Variants in LUZP1 observed in about 807,000 individuals in gnomAD.
The protein encoded by LUZP1 is leucine zipper protein 1, also known as filamin mechanobinding actin cross-linking protein.
Under a neutral mutation model 71.3 loss-of-function variants are expected in LUZP1, and 25 were observed. The observed-to-expected ratio is 0.35, with a 90% CI of 0.26 to 0.49. The LOEUF is 0.49. Among genes scored for constraint, LUZP1 ranks in the 20% least tolerant of loss-of-function variants. The pLI, the probability that LUZP1 is intolerant of heterozygous loss-of-function variation, is 0.99. For missense variants in LUZP1, 1,142 were observed against 1,300.8 expected (o/e 0.88, Z 1.88); for synonymous variants, 481 against 506.4 (o/e 0.95, Z 0.67).
Position 23,090,660 on chromosome 1 carries a change from C to T in LUZP1, c.3072+530G>A, listed in dbSNP as rs1303481413. 7.1e-5 allele frequency: 42 copies of T among 595,404 alleles called. No homozygotes were observed. In the South Asian group the frequency reaches 7.4e-4, roughly 10 times the overall value. 36.9% of individuals were successfully genotyped at this position (595,404 alleles called of 1,614,324 possible). A position where few individuals can be genotyped will look rare whatever the true frequency, so the allele number is the denominator to read the frequency against. ...AAAGTGTCACTTGGAATTGGGTATACGCTTATCTAAAATAGGCCCAGTGTA... is the reference window on the plus strand; with the variant it reads ...AAAGTGTCACTTGGAATTGGGTATATGCTTATCTAAAATAGGCCCAGTGTA... On this transcript the variant is annotated intron_variant, in intron 4 of 4. Coordinates refer to ENST00000302291, the Ensembl canonical transcript of LUZP1.
At chr1:23,155,825 G>A (rs1247625376) in intron 2 of LUZP1, among the ~76,000 whole-genome samples, 1 of 151,924 alleles carries the variant, frequency 6.6e-6, no homozygotes, top group Non-Finnish European at 1.5e-5. Context: ...ACACTTAAAT[G>A]AGCTGCTCAT....
At chr1:23,123,612 G>A (rs1350108995) in intron 2 of LUZP1, among the ~76,000 whole-genome samples, 3 of 151,990 alleles carry the variant, frequency 2.0e-5, no homozygotes, top group Non-Finnish European at 4.4e-5. Flanking sequence ...AGACTTTCTG[G>A]TCATACAGAG....
chr1:23,141,219 A>T (rs1644300256), intron 2 of LUZP1: 1 of 152,282 alleles, frequency 6.6e-6, no homozygotes, highest in Admixed American at 6.5e-5. Context: ...GGGGGAAAGG[A>T]GGAAGGCTAG....
intron 2 of LUZP1, among the ~76,000 whole-genome samples, chr1:23,120,900 C>A (rs1260775993): frequency 6.6e-6 from 1 of 152,208 alleles, no homozygotes; most frequent in Non-Finnish European, 1.5e-5. Context: ...ACACCACCAT[C>A]TCCACTCCCC....
intron 1 of LUZP1, among the ~76,000 whole-genome samples, chr1:23,176,062 C>CTTTT (rs57669214): frequency 3.1e-5 from 4 of 129,842 alleles, no homozygotes; most frequent in Non-Finnish European, 6.4e-5. Flanking sequence ...ACTTCCTTGA[C>CTTTT]TTTTTTTTTT....
chr1:23,088,813 T>C, exon 5 of LUZP1: 1 of 1,521,284 alleles, frequency 6.6e-7, no homozygotes, highest in Non-Finnish European at 8.9e-7. Context: ...CCTGGTTAAC[T>C]GGCCTTGGAT....
intron 3 of LUZP1, among the ~76,000 whole-genome samples, chr1:23,097,149 G>A (rs1004841407): frequency 2.0e-5 from 3 of 152,068 alleles, no homozygotes; most frequent in Non-Finnish European, 4.4e-5. Flanking sequence ...TGCTCCCTCA[G>A]GCCCTTTTTT....
At chr1:23,090,093 C>G (rs896303097) in intron 4 of LUZP1, among the ~76,000 whole-genome samples, 3 of 151,422 alleles carry the variant, frequency 2.0e-5, no homozygotes, top group South Asian at 2.1e-4. Context: ...CTTGGTTCTC[C>G]CAAGCAAATG....
rs1643877474 is a variant in LUZP1 at position 23,093,742 on chromosome 1, T to C, written c.520A>G (p.Lys174Glu). The C allele has an allele frequency of 6.2e-7, 1 of 1,613,750 alleles. No homozygotes were observed. The highest frequency in any genetic ancestry group is 8.5e-7 in the Non-Finnish European group (1 of 1,180,040). The change falls in exon 4 of 5, where the codon AAA becomes GAA. Residue 174 changes from lysine to glutamate, a missense_variant. Lys to Glu is a moderately conservative substitution (Grantham distance 56). Transcript: ENST00000302291. The surrounding 1 kb of genome is among the most constrained non-coding windows in gnomAD (Gnocchi z 4.2). ...TCTGACGCTAAACTCTGCTCAGTTT[T>C]ATCCAGGCGGTCCTCAGAAGATTCT... is the stretch of plus-strand genomic sequence containing the variant.
At chr1:23,088,697 G>A in exon 5 of LUZP1, 1 of 607,730 alleles carries the variant, frequency 1.6e-6, no homozygotes, top group Non-Finnish European at 2.8e-6. Flanking sequence ...TTGGGCCTGG[G>A]TGACTGTCCA....
chr1:23,111,176 G>A (rs1471679127), intron 2 of LUZP1, among the ~76,000 whole-genome samples: 1 of 144,950 alleles, frequency 6.9e-6, no homozygotes, highest in East Asian at 2.0e-4. Context: ...CTCCAGCCTG[G>A]GCGACACAGT....
At chr1:23,149,079 TAAAAAAA>T (rs58910170) in intron 2 of LUZP1, among the ~76,000 whole-genome samples, 1,421 of 37,340 alleles carry the variant, frequency 0.038, 11 homozygotes, top group Admixed American at 0.061. Flanking sequence ...ACACCTTGCC[TAAAAAAA>T]AAAAAAAAAA....
At chr1:23,138,702 TATATATA>T (rs1169422929) in intron 2 of LUZP1, among the ~76,000 whole-genome samples, 7 of 57,786 alleles carry the variant, frequency 1.2e-4, no homozygotes, top group African/African-American at 1.0e-3. Flanking sequence ...TGTGTGTATA[TATATATA>T]TATATAAATG....
intron 3 of LUZP1, among the ~76,000 whole-genome samples, chr1:23,096,886 T>C (rs1430459068): frequency 3.3e-5 from 5 of 152,050 alleles, no homozygotes; most frequent in African/African-American, 1.2e-4. Context: ...GGCACGATAA[T>C]TGCCTGAACC....
intron 2 of LUZP1, chr1:23,140,932 C>G (rs138599898): frequency 1.8e-4 from 27 of 152,488 alleles, no homozygotes; most frequent in African/African-American, 5.5e-4. Context: ...TGCTGGAGCC[C>G]AATCCAATGC....
chr1:23,118,041 G>A (rs1644099783), intron 2 of LUZP1, among the ~76,000 whole-genome samples: 1 of 151,992 alleles, frequency 6.6e-6, no homozygotes, highest in Non-Finnish European at 1.5e-5. Flanking sequence ...AACGAGCTGA[G>A]ATTGCGCCAC....
chr1:23,164,373 T>G (rs1424989717), intron 2 of LUZP1, among the ~76,000 whole-genome samples: 1 of 151,928 alleles, frequency 6.6e-6, no homozygotes, highest in Non-Finnish European at 1.5e-5. Context: ...CGGGTGCCTG[T>G]AGTCCCAGCT....
exon 5 of LUZP1, chr1:23,088,140 G>A (rs1301207871): frequency 6.5e-6 from 1 of 152,746 alleles, no homozygotes; most frequent in African/African-American, 2.4e-5. Flanking sequence ...CATTACTGGT[G>A]CTCAGGAAAG....
intron 2 of LUZP1, among the ~76,000 whole-genome samples, chr1:23,109,404 T>C (rs1644010201): frequency 6.6e-6 from 1 of 152,172 alleles, no homozygotes; most frequent in South Asian, 2.1e-4. Flanking sequence ...TTTGCTTAAA[T>C]TAAAACACCC....
Sources: gnomAD v4.1 joint callset for allele counts (sites outside exome capture counted in the v4.1 genomes callset) on GRCh38, gnomAD v4.1.1 for gene constraint, Gnocchi (gnomAD v3.1) non-coding constraint, MANE v1.5 for transcripts, NCBI Gene and HGNC (gene_info 2026-07-23, HGNC 2026-07-21) for gene names.